PHKB: variants seen among roughly 807,000 people sequenced by gnomAD.
The protein encoded by PHKB is phosphorylase b kinase regulatory subunit beta.
Under a neutral mutation model 152.1 loss-of-function variants are expected in PHKB, and 122 were observed. That is an observed-to-expected ratio of 0.80 (90% CI 0.69 to 0.93). PHKB has a LOEUF of 0.93. Among genes scored for constraint, PHKB ranks in the 40% least tolerant of loss-of-function variants. The probability of loss-of-function intolerance (pLI) is 0.00; values close to 1 mark genes in which losing one functional copy is unlikely to be tolerated. For synonymous variants in PHKB, 436 were observed against 464.9 expected, an observed-to-expected ratio of 0.94 and a Z score of 0.80; for missense variants, 1,304 against 1,328.4, an observed-to-expected ratio of 0.98 and a Z score of 0.29.
In PHKB at chr16:47,665,188, G is replaced by A. The variant is rs142007006; in HGVS notation, c.2427+213G>A. 519 of 524,120 alleles carry A rather than the reference G, an allele frequency of 9.9e-4. 11 individuals carry two copies. In the East Asian group the frequency reaches 0.018, roughly 18 times the overall value. 32.5% of individuals were successfully genotyped at this position (524,120 alleles called of 1,614,324 possible). The stretch of plus-strand genomic sequence containing the variant: ...TAAGGAATATAAATGCTTTTTATAA[G>A]TCAGCTTCTGTGGATATCCTGAAAT... On this transcript the variant is annotated intron_variant, in intron 25 of 30. Coordinates refer to ENST00000323584, the MANE Select transcript of PHKB (RefSeq NM_000293.3).
intron 1 of PHKB, among the ~76,000 whole-genome samples, chr16:47,489,384 A>T (rs949252370): frequency 6.6e-6 from 1 of 152,246 alleles, no homozygotes; most frequent in African/African-American, 2.4e-5. Flanking sequence ...TTGCTAAAAA[A>T]CAAAACGAAA....
chr16:47,525,362 A>G (rs1457009086), intron 6 of PHKB, among the ~76,000 whole-genome samples: 1 of 152,222 alleles, frequency 6.6e-6, no homozygotes. Flanking sequence ...TAAAAAGATA[A>G]CTACTTTCTA....
chr16:47,644,347 G>A (rs1447793006), intron 16 of PHKB, among the ~76,000 whole-genome samples: 3 of 152,174 alleles, frequency 2.0e-5, no homozygotes, highest in Non-Finnish European at 2.9e-5. Flanking sequence ...ACATTCAGTT[G>A]CTCCCTCATT....
In PHKB at chr16:47,664,882, C is replaced by A; in HGVS notation, c.2337-3C>A. On this transcript the variant is annotated splice_polypyrimidine_tract_variant and splice_region_variant and intron_variant, in intron 24 of 30. Coordinates refer to ENST00000323584, the MANE Select transcript of PHKB (RefSeq NM_000293.3). Reference sequence around the variant, plus strand: ...TTTTATGGCTTTCCACTGACACACCCAGGTTGGCGGTGCGCTACGGGGCTG... The same window carrying A: ...TTTTATGGCTTTCCACTGACACACCAAGGTTGGCGGTGCGCTACGGGGCTG... 1.2e-6 allele frequency: 2 copies of A among 1,609,036 alleles called. No individual in the cohort carries two copies. Among genetic ancestry groups the A allele is most frequent in the Non-Finnish European group, 1.7e-6 (2 of 1,175,662 alleles).
intron 9 of PHKB, 102 bp downstream of exon 9, chr16:47,587,865 C>A: frequency 1.1e-6 from 1 of 906,208 alleles, no homozygotes; most frequent in Non-Finnish European, 1.8e-6. Flanking sequence ...TGTTAGTGAT[C>A]GTCCAGAAGG....
At position 47,650,577 on chromosome 16, in the gene PHKB, A is replaced by G; in HGVS notation, c.1831A>G (p.Met611Val). ...ALQFIKQYWK[M>V]HGRPLFLVLI... ...GCAGTTCATTAAACAATATTGGAAA[A>G]TGCATGGACGTCCACTTTTCCTTGT... Residue 611 changes from methionine (M) to valine (V), a missense_variant, in exon 19 of 31, where the codon ATG (methionine) becomes GTG (valine). By Grantham distance (21) the Met-to-Val change is conservative. Coordinates refer to ENST00000323584, the MANE Select transcript of PHKB (RefSeq NM_000293.3). 1 of 1,611,396 alleles carries G rather than the reference A, an allele frequency of 6.2e-7. No individual in the cohort carries two copies. Among genetic ancestry groups the G allele is most frequent in the Non-Finnish European group, 8.5e-7 (1 of 1,177,582 alleles).
At chr16:47,488,038 T>G (rs1259587580) in intron 1 of PHKB, among the ~76,000 whole-genome samples, 2 of 152,200 alleles carry the variant, frequency 1.3e-5, no homozygotes, top group Admixed American at 6.5e-5. Flanking sequence ...CTGAAATAAT[T>G]TATATATTCC....
At chr16:47,627,927 T>G (rs1265018992) in intron 14 of PHKB, among the ~76,000 whole-genome samples, 1 of 152,178 alleles carries the variant, frequency 6.6e-6, no homozygotes, top group African/African-American at 2.4e-5. Context: ...TTGAGATGTA[T>G]AAAGCATCTG....
rs13339329 is a variant in PHKB at position 47,467,765 on chromosome 16, G to T, written c.76+6339G>T. On this transcript the variant is annotated intron_variant, in intron 1 of 30. Coordinates refer to ENST00000323584, the MANE Select transcript of PHKB (RefSeq NM_000293.3). ...GGTTTCATGAAGAGCACAACAGCTTGTCTCACTGCTTTAGATTATCACCAG... is the reference window on the plus strand; with the variant it reads ...GGTTTCATGAAGAGCACAACAGCTTTTCTCACTGCTTTAGATTATCACCAG... Among the ~76,000 whole-genome samples the T allele has an allele frequency of 4.2e-3, 639 of 152,246 alleles. 6 individuals carry two copies. Among genetic ancestry groups the T allele is most frequent in the African/African-American group, 0.015 (609 of 41,534 alleles).
At chr16:47,532,671 C>T (rs1005654800) in intron 6 of PHKB, among the ~76,000 whole-genome samples, 5 of 152,228 alleles carry the variant, frequency 3.3e-5, no homozygotes, top group Non-Finnish European at 7.3e-5. Flanking sequence ...ACAGCTGGCA[C>T]TGGGGAATGC....
chr16:47,482,454 A>T (rs766826513), intron 1 of PHKB, among the ~76,000 whole-genome samples: 2 of 152,320 alleles, frequency 1.3e-5, no homozygotes, highest in Middle Eastern at 3.4e-3. Flanking sequence ...TCCCATATTC[A>T]TTTTAATTAT....
At chr16:47,689,263 A>T in intron 27 of PHKB, 88 bp downstream of exon 27, 1 of 1,323,530 alleles carries the variant, frequency 7.6e-7, no homozygotes, top group Non-Finnish European at 1.1e-6. Context: ...GAAATTGATA[A>T]GATATTAATA....
intron 13 of PHKB, among the ~76,000 whole-genome samples, chr16:47,606,546 A>ATTTTTG (rs769319926): frequency 2.6e-5 from 4 of 152,138 alleles, no homozygotes; most frequent in Non-Finnish European, 5.9e-5. Context: ...TAGAAGTTGG[A>ATTTTTG]TTTTTGTTTT....
intron 6 of PHKB, among the ~76,000 whole-genome samples, chr16:47,522,503 T>C (rs2151656248): frequency 6.6e-6 from 1 of 152,054 alleles, no homozygotes; most frequent in Middle Eastern, 3.4e-3. Context: ...TTTTTGGTTT[T>C]ATTTTTAAAA....
intron 2 of PHKB, among the ~76,000 whole-genome samples, chr16:47,499,396 A>G (rs1471344593): frequency 1.3e-5 from 2 of 152,200 alleles, no homozygotes; most frequent in Admixed American, 6.5e-5. Flanking sequence ...TATTGAACTG[A>G]TTTTTAAAAA....
intron 10 of PHKB, chr16:47,590,664 G>A (rs1972013695): frequency 6.6e-6 from 1 of 152,172 alleles, no homozygotes; most frequent in Non-Finnish European, 1.5e-5. Context: ...CTTTGGATCT[G>A]TCCAGCAAGC....
chr16:47,690,877 A>G (rs963134214), intron 27 of PHKB, among the ~76,000 whole-genome samples: 3 of 152,190 alleles, frequency 2.0e-5, no homozygotes, highest in Admixed American at 2.0e-4. Flanking sequence ...GAACATCGCC[A>G]GTAATAAGAC....
At chr16:47,630,172 A>T (rs1024458436) in intron 14 of PHKB, among the ~76,000 whole-genome samples, 1 of 152,112 alleles carries the variant, frequency 6.6e-6, no homozygotes, top group African/African-American at 2.4e-5. Flanking sequence ...CTTAAAGTAT[A>T]TAAAAAAAAA....
At position 47,596,426 on chromosome 16, in the gene PHKB, G is replaced by T; in HGVS notation, c.1258G>T (p.Glu420Ter). 3.1e-6 allele frequency: 5 copies of T among 1,612,270 alleles called. No individual in the cohort carries two copies. The highest frequency in any genetic ancestry group is 4.2e-6 in the Non-Finnish European group (5 of 1,178,444). The change falls in exon 13 of 31, where the codon GAA (glutamate) becomes TAA (stop). Residue 420 changes from glutamate to a stop codon, truncating the protein, a stop_gained. Coordinates refer to ENST00000323584, the MANE Select transcript of PHKB (RefSeq NM_000293.3). LOFTEE classifies it high-confidence loss of function. ...TGTGCCAGCTGACTTTGTAGAATAT[G>T]AAAAAAATAACCCTGGTAGTCAAAA... ...YYVPADFVEY[E>*]KNNPGSQKRF...
Sources: gnomAD v4.1 joint callset for allele counts (sites outside exome capture counted in the v4.1 genomes callset) on GRCh38, gnomAD v4.1.1 for gene constraint, MANE v1.5 for transcripts, NCBI Gene and HGNC (gene_info 2026-07-23, HGNC 2026-07-21) for gene names.